Variants in AFF2 observed in about 807,000 individuals in gnomAD.
The protein encoded by AFF2 is ALF transcription elongation factor 2.
Under a neutral mutation model 76.9 loss-of-function variants are expected in AFF2, and 14 were observed. The observed-to-expected ratio is 0.18, with a 90% CI of 0.12 to 0.28. AFF2 has a LOEUF of 0.28. Among genes scored for constraint, AFF2 ranks in the 10% least tolerant of loss-of-function variants. The probability of loss-of-function intolerance (pLI) is 1.00; values close to 1 mark genes in which losing one functional copy is unlikely to be tolerated. For missense variants in AFF2, 868 were observed against 1,001.1 expected (o/e 0.87, Z 1.79); for synonymous variants, 398 against 366.7 (o/e 1.09, Z -0.98).
chrX:148,842,706 A>T (rs782242568), intron 5 of AFF2, among the ~76,000 whole-genome samples: 31 of 112,025 alleles, frequency 2.8e-4, no homozygotes, highest in African/African-American at 1.0e-3. Context: ...TCTTACTTAT[A>T]ATTTTGATTA....
chrX:148,540,098 A>G (rs73638163), intron 1 of AFF2, among the ~76,000 whole-genome samples: 9,590 of 111,632 alleles, frequency 0.086, 763 homozygotes, highest in African/African-American at 0.25. Flanking sequence ...AAGTATGTGC[A>G]CTTCCATTAA....
chrX:148,914,970 A>T (rs1557282380), intron 9 of AFF2, among the ~76,000 whole-genome samples: 1 of 112,596 alleles, frequency 8.9e-6, no homozygotes, highest in African/African-American at 3.2e-5. Flanking sequence ...ACAGTAAATC[A>T]GTCCTCTGTC....
chrX:148,664,598 G>T (rs1052736997), intron 3 of AFF2, among the ~76,000 whole-genome samples: 1 of 111,975 alleles, frequency 8.9e-6, no homozygotes, highest in Non-Finnish European at 1.9e-5. Flanking sequence ...GTATTGTAGT[G>T]ATTTAGTTAT....
chrX:148,636,363 G>A (rs2054031010), intron 1 of AFF2, among the ~76,000 whole-genome samples: 2 of 112,211 alleles, frequency 1.8e-5, no homozygotes, highest in Non-Finnish European at 3.8e-5. Flanking sequence ...TTCAGTTCTT[G>A]TTGAATCTGT....
At chrX:148,745,830 C>T (rs2055413986) in intron 3 of AFF2, among the ~76,000 whole-genome samples, 1 of 110,774 alleles carries the variant, frequency 9.0e-6, no homozygotes, top group African/African-American at 3.3e-5. Context: ...GCAACCTCTG[C>T]CTCCTGCGTT....
intron 4 of AFF2, among the ~76,000 whole-genome samples, chrX:148,820,605 TATAAAAAATGACTAAA>T (rs1194685306): frequency 8.9e-6 from 1 of 111,937 alleles, no homozygotes; most frequent in African/African-American, 3.2e-5. Context: ...ATTATATCTC[TATAAAAAATGACTAAA>T]AAGAAACTGA....
chrX:148,636,301 C>T (rs1557253803), intron 1 of AFF2, among the ~76,000 whole-genome samples: 3 of 111,810 alleles, frequency 2.7e-5, no homozygotes, highest in Non-Finnish European at 5.6e-5. Context: ...ATTACTTGAG[C>T]GTGTCGAGGG....
intron 1 of AFF2, among the ~76,000 whole-genome samples, chrX:148,547,784 G>A (rs782363896): frequency 1.8e-4 from 20 of 112,034 alleles, no homozygotes; most frequent in African/African-American, 6.5e-4. Context: ...GCTCTAAAGA[G>A]AGAAATATCA....
intron 1 of AFF2, among the ~76,000 whole-genome samples, chrX:148,597,325 C>T (rs1304978088): frequency 9.0e-6 from 1 of 111,053 alleles, no homozygotes; most frequent in Admixed American, 9.6e-5. Context: ...AGCTGGACAG[C>T]GATTTCCTTT....
chrX:148,975,727 G>A (rs782641917), intron 16 of AFF2, among the ~76,000 whole-genome samples: 3 of 106,871 alleles, frequency 2.8e-5, no homozygotes, highest in South Asian at 4.4e-4. Context: ...GGCGGATCAC[G>A]AGGTCAGGAG....
chrX:148,916,196 C>CTTTTT lies in AFF2; in HGVS notation c.1397+11965_1397+11969dup, dbSNP rs782508166. 9.1e-4 allele frequency among the ~76,000 whole-genome samples: 31 copies of CTTTTT among 34,038 alleles called. 1 individual carries two copies. The highest frequency in any genetic ancestry group is 3.5e-3 in the African/African-American group (28 of 8,055). The allele number at this position is 34,038 out of a possible 115,157, so 29.6% of individuals were successfully genotyped here. A position where few individuals can be genotyped will look rare whatever the true frequency, so the allele number is the denominator to read the frequency against. ...AATAGACTTTTGAATGTGGTTTTAA[C>CTTTTT]TTTTTTTTTTTTTTTTTTTTTTTTT... On this transcript the variant is annotated intron_variant, in intron 9 of 20. Coordinates refer to ENST00000370460, the MANE Select transcript of AFF2 (RefSeq NM_002025.4).
At chrX:148,795,832 AAT>A (rs1169188980) in intron 3 of AFF2, among the ~76,000 whole-genome samples, 539 of 15,490 alleles carry the variant, frequency 0.035, 18 homozygotes, top group East Asian at 0.062. Context: ...AAAAAAAAAA[AAT>A]ATATATATAT....
At chrX:148,824,478 A>C (rs189530969) in intron 4 of AFF2, among the ~76,000 whole-genome samples, 1 of 112,336 alleles carries the variant, frequency 8.9e-6, no homozygotes, top group Admixed American at 9.4e-5. Context: ...TGATTATGGC[A>C]ATCATTTTAC....
At chrX:148,915,792 T>C (rs923042640) in intron 9 of AFF2, among the ~76,000 whole-genome samples, 2 of 112,646 alleles carry the variant, frequency 1.8e-5, no homozygotes, top group Non-Finnish European at 3.7e-5. Flanking sequence ...GAAAACTTGC[T>C]TTAAATATAT....
rs189141911 is a variant in AFF2, at chrX:148,722,424, C to G, written c.1041+59656C>G. On this transcript the variant is annotated intron_variant, in intron 3 of 20. Transcript: ENST00000370460. ...CCCCCTCTTAAAGAATGGCCCTTCC[C>G]TCCACTCAGGCTCGCAAGAACTCGA... 8.2e-5 allele frequency among the ~76,000 whole-genome samples: 9 copies of G among 110,268 alleles called. No individual in the cohort carries two copies. The East Asian group carries it at 2.6e-3, about 32-fold the overall frequency.
intron 2 of AFF2, among the ~76,000 whole-genome samples, chrX:148,656,790 G>A (rs1168627860): frequency 2.7e-5 from 3 of 111,187 alleles, no homozygotes; most frequent in Non-Finnish European, 5.7e-5. Flanking sequence ...GTGAGCCACC[G>A]CGCCCGGCCG....
intron 3 of AFF2, among the ~76,000 whole-genome samples, chrX:148,744,730 G>A (rs782478127): frequency 8.9e-6 from 1 of 112,026 alleles, no homozygotes; most frequent in East Asian, 2.8e-4. Flanking sequence ...TGATCATATT[G>A]TCATGGGGAG....
chrX:148,553,632 T>C (rs73638164), intron 1 of AFF2, among the ~76,000 whole-genome samples: 2,967 of 111,564 alleles, frequency 0.027, 98 homozygotes, highest in African/African-American at 0.092. Context: ...TGACTTTGAA[T>C]CCTGAATCCC....
chrX:148,620,366 T>C (rs2053853757), intron 1 of AFF2, among the ~76,000 whole-genome samples: 1 of 111,151 alleles, frequency 9.0e-6, no homozygotes, highest in African/African-American at 3.3e-5. Context: ...CCATTGTTAT[T>C]CATACTATGT....
Sources: allele counts gnomAD v4.1 joint callset (sites outside exome capture counted in the v4.1 genomes callset), GRCh38; gene constraint gnomAD v4.1.1; transcripts MANE v1.5; gene names NCBI Gene and HGNC (gene_info 2026-07-23, HGNC 2026-07-21).